PRKAG2: variants seen among roughly 807,000 people sequenced by gnomAD.
PRKAG2 encodes the protein protein kinase AMP-activated non-catalytic subunit gamma 2.
In PRKAG2, 26 loss-of-function variants were observed where a neutral mutation model predicts 69.6. The observed-to-expected ratio is 0.37, with a 90% CI of 0.27 to 0.52. PRKAG2 has a LOEUF of 0.52. Among genes scored for constraint, PRKAG2 ranks in the 20% least tolerant of loss-of-function variants. The pLI is 0.90. For missense variants in PRKAG2, 557 were observed against 740.0 expected, an observed-to-expected ratio of 0.75 and a Z score of 2.87; for synonymous variants, 293 against 285.0, an observed-to-expected ratio of 1.03 and a Z score of -0.28.
At chr7:151,606,626 C>T (rs1563241645) in intron 5 of PRKAG2, among the ~76,000 whole-genome samples, 1 of 152,102 alleles carries the variant, frequency 6.6e-6, no homozygotes, top group South Asian at 2.1e-4. Context: ...TCGAGACCAG[C>T]CTGGGCAACA....
chr7:151,726,450 G>A (rs771657292), intron 3 of PRKAG2, among the ~76,000 whole-genome samples: 3 of 151,778 alleles, frequency 2.0e-5, no homozygotes, highest in Admixed American at 6.6e-5. Flanking sequence ...GGCTGCGTGC[G>A]TACCCTACTA....
chr7:151,820,484 CGG>C, intron 1 of PRKAG2, among the ~76,000 whole-genome samples: 1 of 130,972 alleles, frequency 7.6e-6, no homozygotes, highest in Non-Finnish European at 1.7e-5. Flanking sequence ...ACACTCTACT[CGG>C]AACACCGCTC....
chr7:151,641,558 T>C (rs962035193), intron 4 of PRKAG2, among the ~76,000 whole-genome samples: 22 of 151,838 alleles, frequency 1.4e-4, no homozygotes, highest in African/African-American at 4.6e-4. Flanking sequence ...CTTTCTTTCT[T>C]TTTTAAGAGA....
chr7:151,791,246 G>A (rs1281537142), intron 1 of PRKAG2, among the ~76,000 whole-genome samples: 1 of 152,194 alleles, frequency 6.6e-6, no homozygotes, highest in African/African-American at 2.4e-5. Flanking sequence ...GCCGGTGTGG[G>A]AAAATCTCTA....
intron 1 of PRKAG2, among the ~76,000 whole-genome samples, chr7:151,796,805 C>T (rs1170028852): frequency 1.3e-5 from 2 of 152,094 alleles, no homozygotes; most frequent in Non-Finnish European, 2.9e-5. Flanking sequence ...ACCAAGACCT[C>T]GGGATAAGGG....
chr7:151,848,849 AAAAAT>A (rs1283428044), intron 1 of PRKAG2, among the ~76,000 whole-genome samples: 1 of 152,098 alleles, frequency 6.6e-6, no homozygotes, highest in Non-Finnish European at 1.5e-5. Flanking sequence ...TGATCTACCT[AAAAAT>A]AAGAAAATGA....
intron 4 of PRKAG2, among the ~76,000 whole-genome samples, chr7:151,663,652 G>T (rs1035585761): frequency 6.6e-6 from 1 of 152,210 alleles, no homozygotes; most frequent in Non-Finnish European, 1.5e-5. Context: ...AAGCCACCAC[G>T]TCTGGCCCAC....
At chr7:151,789,361 A>T (rs1274623289) in intron 1 of PRKAG2, among the ~76,000 whole-genome samples, 3 of 151,962 alleles carry the variant, frequency 2.0e-5, no homozygotes, top group African/African-American at 7.3e-5. Context: ...TGTTCTGTGC[A>T]CTTAACCTTT....
chr7:151,847,664 G>A (rs575582722), intron 1 of PRKAG2, among the ~76,000 whole-genome samples: 1 of 152,336 alleles, frequency 6.6e-6, no homozygotes, highest in African/African-American at 2.4e-5. Context: ...TAACCACGCG[G>A]CAAAGCACCG....
At chr7:151,723,802 A>G (rs1490375631) in intron 3 of PRKAG2, among the ~76,000 whole-genome samples, 2 of 152,252 alleles carry the variant, frequency 1.3e-5, no homozygotes, top group Admixed American at 1.3e-4. Context: ...TCCCTGAGCC[A>G]TGATGCCTCC....
At chr7:151,754,889 G>A (rs944357626) in intron 3 of PRKAG2, among the ~76,000 whole-genome samples, 3 of 152,076 alleles carry the variant, frequency 2.0e-5, no homozygotes, top group Non-Finnish European at 4.4e-5. Context: ...GAAAGTTGGA[G>A]CAGCGACCTG....
At chr7:151,855,379 C>T (rs1320499934) in intron 1 of PRKAG2, among the ~76,000 whole-genome samples, 2 of 45,098 alleles carry the variant, frequency 4.4e-5, no homozygotes, top group Non-Finnish European at 8.3e-5. Context: ...ACACACACCG[C>T]CCTCCACACA....
intron 3 of PRKAG2, among the ~76,000 whole-genome samples, chr7:151,740,228 G>T (rs1221001417): frequency 6.6e-6 from 1 of 152,344 alleles, no homozygotes; most frequent in South Asian, 2.1e-4. Context: ...CACAGCAGAC[G>T]CCCGAAGGAG....
chr7:151,595,206 C>G, intron 6 of PRKAG2, 139 bp downstream of exon 6: 3 of 657,030 alleles, frequency 4.6e-6, no homozygotes, highest in Non-Finnish European at 8.1e-6. Flanking sequence ...GTTGAGAATT[C>G]AGATAAAACC....
chr7:151,795,873 ATATATATATATATAT>A (rs1563689591), intron 1 of PRKAG2, among the ~76,000 whole-genome samples: 14 of 115,098 alleles, frequency 1.2e-4, no homozygotes, highest in African/African-American at 4.9e-4. Context: ...ATATATATAT[ATATATATATATATAT>A]ATCACGATAA....
At chr7:151,656,487 TGGA>T (rs900517610) in intron 4 of PRKAG2, among the ~76,000 whole-genome samples, 18 of 151,996 alleles carry the variant, frequency 1.2e-4, no homozygotes, top group African/African-American at 4.3e-4. Flanking sequence ...ATCCAGGAGG[TGGA>T]GGTTACAGTG....
At chr7:151,838,467 G>A (rs1395999937) in intron 1 of PRKAG2, among the ~76,000 whole-genome samples, 1 of 151,474 alleles carries the variant, frequency 6.6e-6, no homozygotes, top group Non-Finnish European at 1.5e-5. Flanking sequence ...CAGCACTTTG[G>A]GAGGCTGAAG....
At chr7:151,796,138 C>T (rs1328808772) in intron 1 of PRKAG2, among the ~76,000 whole-genome samples, 2 of 152,048 alleles carry the variant, frequency 1.3e-5, no homozygotes, top group African/African-American at 4.8e-5. Flanking sequence ...TAGGCCCCCT[C>T]ACCCGAGCTG....
chr7:151,772,984 T>A (rs565141022), intron 3 of PRKAG2, among the ~76,000 whole-genome samples: 99 of 71,820 alleles, frequency 1.4e-3, no homozygotes, highest in East Asian at 9.8e-3. Flanking sequence ...TCTAAATGAA[T>A]GAAAGAAAGA....
Sources: gnomAD v4.1 joint callset for allele counts (sites outside exome capture counted in the v4.1 genomes callset) on GRCh38, gnomAD v4.1.1 for gene constraint, MANE v1.5 for transcripts, NCBI Gene and HGNC (gene_info 2026-07-23, HGNC 2026-07-21) for gene names.